TNRC6C: variants seen among roughly 807,000 people sequenced by gnomAD.
TNRC6C encodes the protein trinucleotide repeat containing adaptor 6C, also known as trinucleotide repeat-containing gene 6C protein.
In TNRC6C, 20 loss-of-function variants were observed where a neutral mutation model predicts 153.7. That is an observed-to-expected ratio of 0.13 (90% CI 0.09 to 0.19). The LOEUF (loss-of-function observed/expected upper bound fraction) is 0.19. TNRC6C is among the 10% of genes least tolerant of loss of function. TNRC6C has a pLI of 1.00. For missense variants in TNRC6C, 1,987 were observed against 2,172.0 expected, an observed-to-expected ratio of 0.91 and a Z score of 1.69; for synonymous variants, 811 against 841.4, an observed-to-expected ratio of 0.96 and a Z score of 0.63.
chr17:78,032,026 A>G (rs1028759677), intron 2 of TNRC6C, among the ~76,000 whole-genome samples, 184 bp downstream of exon 4: 6 of 152,148 alleles, frequency 3.9e-5, no homozygotes, highest in Non-Finnish European at 8.8e-5. Flanking sequence ...ATTTATTTAC[A>G]TTATTGGTCA....
intron 1 of TNRC6C, among the ~76,000 whole-genome samples, chr17:77,977,274 A>G (rs1394350906): frequency 6.6e-6 from 1 of 152,202 alleles, no homozygotes; most frequent in African/African-American, 2.4e-5. Flanking sequence ...AAATCTTCAT[A>G]TGTAGTAGAT....
chr17:77,959,878 C>T (rs2070847532), intron 1 of TNRC6C, among the ~76,000 whole-genome samples: 1 of 152,232 alleles, frequency 6.6e-6, no homozygotes. Context: ...GCGGTGCCTC[C>T]TTTGCACCTT....
chr17:77,991,886 C>T (rs992868778), intron 1 of TNRC6C, among the ~76,000 whole-genome samples: 1 of 152,106 alleles, frequency 6.6e-6, no homozygotes, highest in Non-Finnish European at 1.5e-5. Flanking sequence ...AAACTCAGTC[C>T]GACCTCAGTT....
chr17:78,100,770 C>CTTT (rs56816459), intron 17 of TNRC6C, among the ~76,000 whole-genome samples: 7,016 of 103,750 alleles, frequency 0.068, 311 homozygotes, highest in South Asian at 0.12. Flanking sequence ...ATGGGATTTC[C>CTTT]TTTTTTTTTT....
At chr17:78,045,702 C>T (rs28479003) in intron 2 of TNRC6C, among the ~76,000 whole-genome samples, 4,187 of 152,256 alleles carry the variant, frequency 0.027, 198 homozygotes, top group African/African-American at 0.095. Context: ...GCCACGCCCT[C>T]AAGGAACTCA....
exon 3 of TNRC6C, chr17:78,050,848 G>A: frequency 1.9e-6 from 3 of 1,613,954 alleles, no homozygotes; most frequent in Non-Finnish European, 2.5e-6. Flanking sequence ...GAGTGCAGGA[G>A]GGGGAGATTG....
intron 6 of TNRC6C, among the ~76,000 whole-genome samples, chr17:78,072,197 G>A (rs1206863860): frequency 2.0e-5 from 3 of 152,256 alleles, no homozygotes; most frequent in Non-Finnish European, 4.4e-5. Context: ...GCCTGTGTGA[G>A]TGGGCAAGAG....
At chr17:77,958,327 G>A (rs937240588), upstream of TNRC6C, among the ~76,000 whole-genome samples, 4 of 151,990 alleles carry the variant, frequency 2.6e-5, no homozygotes, top group Non-Finnish European at 5.9e-5. Context: ...GGCGGTAAAG[G>A]ACACCACGCA....
chr17:78,065,935 T>C (rs2072867756), intron 4 of TNRC6C, among the ~76,000 whole-genome samples: 1 of 152,166 alleles, frequency 6.6e-6, no homozygotes, highest in Non-Finnish European at 1.5e-5. Context: ...AAATCTGATA[T>C]TAAAATTAAT....
At chr17:78,006,020 A>G (rs572641554) in intron 1 of TNRC6C, among the ~76,000 whole-genome samples, 1 of 152,204 alleles carries the variant, frequency 6.6e-6, no homozygotes, top group East Asian at 1.9e-4. Context: ...AGACACATGC[A>G]CTCTCACAGC....
intron 1 of TNRC6C, among the ~76,000 whole-genome samples, chr17:77,966,769 A>T (rs893659355): frequency 6.6e-6 from 1 of 152,196 alleles, no homozygotes. Flanking sequence ...CTCTCAATGA[A>T]ATCAGATTTT....
chr17:78,015,496 G>A (rs953636190), intron 1 of TNRC6C, among the ~76,000 whole-genome samples: 13 of 152,182 alleles, frequency 8.5e-5, no homozygotes, highest in Non-Finnish European at 2.9e-5. Flanking sequence ...TAGGCTAATG[G>A]TGGCAGCCCA....
At chr17:78,086,889 C>A (rs755315134) in exon 13 of TNRC6C, 5 of 1,612,496 alleles carry the variant, frequency 3.1e-6, no homozygotes, top group Non-Finnish European at 4.2e-6. Flanking sequence ...GCAGCAGATC[C>A]AGCAGCACCA....
At chr17:78,005,990 A>T (rs1279405258) in intron 1 of TNRC6C, among the ~76,000 whole-genome samples, 3 of 152,184 alleles carry the variant, frequency 2.0e-5, no homozygotes, top group African/African-American at 7.2e-5. Context: ...GGACCATCAC[A>T]TGTACACAAC....
chr17:77,988,101 C>T (rs2071197758), intron 1 of TNRC6C, among the ~76,000 whole-genome samples: 1 of 152,056 alleles, frequency 6.6e-6, no homozygotes, highest in Admixed American at 6.6e-5. Flanking sequence ...CCTGTAATTC[C>T]AGCACTTTGG....
chr17:78,051,464 C>T lies in TNRC6C; in HGVS notation c.2395+7C>T. ...CTTGGTCCAGGTAGGAAAGGTATTT[C>T]ATGTTTCTTTACAAGTAAAAAAAAA... On this transcript the variant is annotated splice_region_variant and intron_variant, in intron 3 of 19. Coordinates refer to ENST00000301624, the Ensembl canonical transcript of TNRC6C. 7.3e-6 allele frequency: 7 copies of T among 964,458 alleles called. No individual in the cohort carries two copies. In the South Asian group the frequency reaches 8.1e-5, roughly 11 times the overall value. The allele number at this position is 964,458 out of a possible 1,614,324, so 59.7% of individuals were successfully genotyped here. A position where few individuals can be genotyped will look rare whatever the true frequency, so the allele number is the denominator to read the frequency against.
intron 1 of TNRC6C, among the ~76,000 whole-genome samples, chr17:78,027,874 C>T (rs2071973008): frequency 6.7e-6 from 1 of 150,152 alleles, no homozygotes; most frequent in Admixed American, 6.6e-5. Flanking sequence ...GGGTGACACT[C>T]ATATATCTGT....
intron 4 of TNRC6C, 21 bp from the exon 7 acceptor site, chr17:78,067,736 T>A: frequency 6.3e-7 from 1 of 1,592,398 alleles, no homozygotes; most frequent in Non-Finnish European, 8.5e-7. Flanking sequence ...TTTGATAAGT[T>A]CATGTTTGCT....
intron 2 of TNRC6C, 103 bp downstream of exon 4, chr17:78,031,945 C>A: frequency 1.1e-6 from 1 of 939,416 alleles, no homozygotes; most frequent in East Asian, 3.3e-5. Flanking sequence ...TCCATACTCA[C>A]AACATACACA....
Sources: allele counts gnomAD v4.1 joint callset (sites outside exome capture counted in the v4.1 genomes callset), GRCh38; gene constraint gnomAD v4.1.1; transcripts MANE v1.5; gene names NCBI Gene and HGNC (gene_info 2026-07-23, HGNC 2026-07-21).